Variants in CNTNAP2 observed in about 807,000 individuals in gnomAD.
CNTNAP2 encodes the protein contactin associated protein 2, also known as contactin-associated protein-like 2.
CNTNAP2 carries 98 observed loss-of-function variants against 155.2 expected under a neutral mutation model. The ratio of observed to expected loss-of-function variants is 0.63; its 90% CI spans 0.54 to 0.75. CNTNAP2 has a LOEUF of 0.75. CNTNAP2 is among the 30% of genes least tolerant of loss of function. CNTNAP2 has a pLI of 0.00. For missense variants in CNTNAP2, 1,727 were observed against 1,688.1 expected, an observed-to-expected ratio of 1.02 and a Z score of -0.40; for synonymous variants, 651 against 631.2, an observed-to-expected ratio of 1.03 and a Z score of -0.47.
At chr7:147,290,537 G>T (rs745533761) in intron 8 of CNTNAP2, among the ~76,000 whole-genome samples, 1 of 151,948 alleles carries the variant, frequency 6.6e-6, no homozygotes, top group Non-Finnish European at 1.5e-5. Flanking sequence ...AAAAAAATTA[G>T]CCGAGCGTGG....
intron 1 of CNTNAP2, among the ~76,000 whole-genome samples, chr7:146,201,424 G>A (rs2116867575): frequency 6.6e-6 from 1 of 152,202 alleles, no homozygotes; most frequent in Admixed American, 6.5e-5. Flanking sequence ...ATGATTATTG[G>A]CAGCTCCTAA....
At chr7:146,252,547 T>C (rs958824481) in intron 1 of CNTNAP2, among the ~76,000 whole-genome samples, 6 of 151,482 alleles carry the variant, frequency 4.0e-5, no homozygotes, top group African/African-American at 1.5e-4. Context: ...AATGAGAAAA[T>C]AGAGAGAGGA....
chr7:147,733,421 A>G (rs1223386127), intron 13 of CNTNAP2, among the ~76,000 whole-genome samples: 1 of 152,144 alleles, frequency 6.6e-6, no homozygotes, highest in Non-Finnish European at 1.5e-5. Flanking sequence ...TGGTTACTGT[A>G]GCCTTGTAGT....
At chr7:147,086,004 C>T (rs1399058372) in intron 4 of CNTNAP2, among the ~76,000 whole-genome samples, 1 of 152,158 alleles carries the variant, frequency 6.6e-6, no homozygotes, top group Non-Finnish European at 1.5e-5. Flanking sequence ...CATTGAAGCA[C>T]AACTTGAAAT....
At chr7:147,191,917 A>T (rs1802687274) in intron 8 of CNTNAP2, among the ~76,000 whole-genome samples, 1 of 152,212 alleles carries the variant, frequency 6.6e-6, no homozygotes, top group Admixed American at 6.5e-5. Context: ...ATTCCAGAAG[A>T]TTCTGTCCTG....
chr7:147,155,663 ATGTAT>A (rs771579142), intron 8 of CNTNAP2, among the ~76,000 whole-genome samples: 11 of 152,168 alleles, frequency 7.2e-5, no homozygotes, highest in Non-Finnish European at 1.2e-4. Flanking sequence ...AATATATGAC[ATGTAT>A]TGTATTTTAC....
At chr7:146,371,238 T>A (rs1234871171) in intron 1 of CNTNAP2, among the ~76,000 whole-genome samples, 1 of 152,096 alleles carries the variant, frequency 6.6e-6, no homozygotes, top group Non-Finnish European at 1.5e-5. Context: ...GCCTCAATAA[T>A]GAGGCTTTTG....
In CNTNAP2 at chr7:147,980,798, G is replaced by T. The variant is rs182985504; in HGVS notation, c.2383+2809G>T. ...AAAAAAAAATTAGCCGGGCGTGGTG[G>T]CGGGCACCTGTAGTCCCAGCTACTC... On this transcript the variant is annotated intron_variant, in intron 15 of 23. Transcript: ENST00000361727. 3.8e-4 allele frequency among the ~76,000 whole-genome samples: 57 copies of T among 149,868 alleles called. No individual in the cohort carries two copies. In the Middle Eastern group the frequency reaches 0.01, roughly 27 times the overall value.
intron 1 of CNTNAP2, among the ~76,000 whole-genome samples, chr7:146,762,608 A>T (rs1210573433): frequency 6.6e-6 from 1 of 152,142 alleles, no homozygotes; most frequent in African/African-American, 2.4e-5. Context: ...AGGGAAAACA[A>T]AAAACAAACA....
intron 11 of CNTNAP2, among the ~76,000 whole-genome samples, chr7:147,518,888 G>A (rs1562977089): frequency 6.6e-6 from 1 of 151,982 alleles, no homozygotes; most frequent in Non-Finnish European, 1.5e-5. Context: ...AAAATTAGCA[G>A]GGAGTGGTGG....
chr7:147,166,110 C>T (rs1341431361), intron 8 of CNTNAP2, among the ~76,000 whole-genome samples: 1 of 151,920 alleles, frequency 6.6e-6, no homozygotes, highest in African/African-American at 2.4e-5. Context: ...TTCACAGTTG[C>T]AAAAATATGG....
At chr7:147,099,938 C>T (rs1800621079) in intron 4 of CNTNAP2, among the ~76,000 whole-genome samples, 1 of 152,154 alleles carries the variant, frequency 6.6e-6, no homozygotes, top group Non-Finnish European at 1.5e-5. Flanking sequence ...TAAATAAAAA[C>T]AGCTTCCACA....
intron 13 of CNTNAP2, among the ~76,000 whole-genome samples, chr7:147,880,854 G>GGTGT (rs71183032): frequency 0.098 from 13,980 of 143,004 alleles, 722 homozygotes; most frequent in African/African-American, 0.15. Context: ...ATTGGAGTTG[G>GGTGT]GTGTGTGTGT....
intron 1 of CNTNAP2, among the ~76,000 whole-genome samples, chr7:146,332,311 A>G (rs1473376325): frequency 2.6e-5 from 4 of 152,090 alleles, no homozygotes; most frequent in Admixed American, 2.6e-4. Context: ...AACATATAAA[A>G]ATAATAGTAA....
chr7:147,629,188 G>A (rs1402491845), intron 12 of CNTNAP2, among the ~76,000 whole-genome samples: 1 of 151,926 alleles, frequency 6.6e-6, no homozygotes, highest in East Asian at 1.9e-4. Flanking sequence ...GATCACCTGA[G>A]GTTAGGAGTT....
chr7:147,169,819 C>A lies in CNTNAP2; in HGVS notation c.1348+37310C>A, dbSNP rs554221925. ...GGTCTTTCTTAAAATTTCTATTTTGCCTTTCAGCTCTTAAATGATATTACT... is the reference window on the plus strand; with the variant it reads ...GGTCTTTCTTAAAATTTCTATTTTGACTTTCAGCTCTTAAATGATATTACT... On this transcript the variant is annotated intron_variant, in intron 8 of 23. Coordinates refer to ENST00000361727, the MANE Select transcript of CNTNAP2 (RefSeq NM_014141.6). Among the ~76,000 whole-genome samples the A allele has an allele frequency of 2.6e-5, 4 of 152,158 alleles. No individual in the cohort carries two copies. The South Asian group carries it at 6.2e-4, about 24-fold the overall frequency.
intron 21 of CNTNAP2, among the ~76,000 whole-genome samples, chr7:148,279,410 G>A (rs1042479425): frequency 4.6e-5 from 7 of 152,224 alleles, no homozygotes; most frequent in Non-Finnish European, 2.9e-5. Flanking sequence ...GTGGGTGAGA[G>A]AAAGAGAAGT....
chr7:146,564,428 T>C (rs538526353), intron 1 of CNTNAP2, among the ~76,000 whole-genome samples: 1 of 151,698 alleles, frequency 6.6e-6, no homozygotes, highest in African/African-American at 2.4e-5. Flanking sequence ...TTAAACTAGA[T>C]ATTTTCTGGC....
At position 146,733,949 on chromosome 7, in the gene CNTNAP2, C is replaced by T. The variant is rs188603253; in HGVS notation, c.98-40322C>T. Among the ~76,000 whole-genome samples the T allele has an allele frequency of 1.8e-3, 268 of 152,182 alleles. 1 individual carries two copies. The highest frequency in any genetic ancestry group is 3.2e-3 in the Non-Finnish European group (216 of 67,966). Reference sequence around the variant, plus strand: ...TAAAACATAAACCCATCTCCTTACCCTCTCTTCATTTAGCATTTATTTTCA... The same window carrying T: ...TAAAACATAAACCCATCTCCTTACCTTCTCTTCATTTAGCATTTATTTTCA... On this transcript the variant is annotated intron_variant, in intron 1 of 23. Transcript: ENST00000361727.
Sources: allele counts gnomAD v4.1 joint callset (sites outside exome capture counted in the v4.1 genomes callset), GRCh38; gene constraint gnomAD v4.1.1; transcripts MANE v1.5; gene names NCBI Gene and HGNC (gene_info 2026-07-23, HGNC 2026-07-21).